CPNE5: variants seen among roughly 807,000 people sequenced by gnomAD.
The protein encoded by CPNE5 is copine 5.
Under a neutral mutation model 81.1 loss-of-function variants are expected in CPNE5, and 42 were observed. That is an observed-to-expected ratio of 0.52 (90% confidence interval 0.40 to 0.67). CPNE5 has a LOEUF of 0.67. Ranked by LOEUF, CPNE5 falls within the 30% of genes least tolerant of loss-of-function variation. CPNE5 has a pLI of 0.00. For synonymous variants in CPNE5, 313 were observed against 321.5 expected (o/e 0.97, Z 0.28); for missense variants, 612 against 815.5 (o/e 0.75, Z 3.04).
chr6:36,787,510 C>T (rs1487834359), intron 8 of CPNE5, among the ~76,000 whole-genome samples: 25 of 152,120 alleles, frequency 1.6e-4, no homozygotes. Flanking sequence ...TACACATTTT[C>T]CTTCGGGATA....
intron 12 of CPNE5, among the ~76,000 whole-genome samples, chr6:36,757,816 G>A (rs114063897): frequency 2.0e-5 from 3 of 152,284 alleles, no homozygotes; most frequent in Non-Finnish European, 2.9e-5. Context: ...CTCTGGGCAC[G>A]GAGAGATGGA....
At chr6:36,774,165 C>T (rs1436602049) in intron 10 of CPNE5, among the ~76,000 whole-genome samples, 1 of 151,512 alleles carries the variant, frequency 6.6e-6, no homozygotes, top group Admixed American at 6.6e-5. Context: ...GGGTGCATTG[C>T]TTGAGCCCAG....
At chr6:36,789,937 T>C (rs1441496463) in intron 8 of CPNE5, among the ~76,000 whole-genome samples, 1 of 152,160 alleles carries the variant, frequency 6.6e-6, no homozygotes, top group Non-Finnish European at 1.5e-5. Flanking sequence ...ATTTTTTTGG[T>C]CATCTCTAGA....
At chr6:36,773,101 C>T (rs189007134) in intron 10 of CPNE5, among the ~76,000 whole-genome samples, 266 of 152,128 alleles carry the variant, frequency 1.7e-3, no homozygotes, top group Non-Finnish European at 2.8e-3. Context: ...GCGGGCTGGT[C>T]TTGAACTCCT....
chr6:36,767,143 A>T (rs1009877656), intron 10 of CPNE5, among the ~76,000 whole-genome samples: 4 of 152,232 alleles, frequency 2.6e-5, no homozygotes, highest in African/African-American at 9.6e-5. Context: ...GGCATGAGCC[A>T]CGGCGCCCGG....
chr6:36,835,329 T>C (rs1773393166), intron 1 of CPNE5, among the ~76,000 whole-genome samples: 1 of 152,212 alleles, frequency 6.6e-6, no homozygotes, highest in African/African-American at 2.4e-5. Flanking sequence ...AAGTTTTGAT[T>C]GACTCGGCAG....
At position 36,741,360 on chromosome 6, in the gene CPNE5, G is replaced by A. The variant is rs1199852179; in HGVS notation, c.*908C>T. ...GGGTTCCCACATTAGGCAGTGGGGG[G>A]AGGCAGGGCTCAAACCCAGGACTCC... On this transcript the variant is annotated 3_prime_UTR_variant, in exon 21 of 21. Coordinates refer to ENST00000244751, the MANE Select transcript of CPNE5 (RefSeq NM_020939.2). The A allele has an allele frequency of 1.3e-5, 2 of 152,258 alleles. No homozygotes were observed. Among genetic ancestry groups the A allele is most frequent in the African/African-American group, 2.4e-5 (1 of 41,460 alleles). 9.4% of individuals were successfully genotyped at this position (152,258 alleles called of 1,614,324 possible). A position where few individuals can be genotyped will look rare whatever the true frequency, so the allele number is the denominator to read the frequency against.
intron 8 of CPNE5, among the ~76,000 whole-genome samples, chr6:36,780,972 G>A (rs1374141634): frequency 6.6e-6 from 1 of 152,148 alleles, no homozygotes; most frequent in Non-Finnish European, 1.5e-5. Context: ...TCAAAGTCAT[G>A]CCTCTTCCAG....
intron 1 of CPNE5, among the ~76,000 whole-genome samples, chr6:36,833,506 C>T (rs891504474): frequency 5.9e-5 from 9 of 152,176 alleles, no homozygotes; most frequent in African/African-American, 2.2e-4. Context: ...TTACATAAGA[C>T]TCTGTCATAG....
At chr6:36,782,586 C>T (rs182309941) in intron 8 of CPNE5, among the ~76,000 whole-genome samples, 1 of 152,074 alleles carries the variant, frequency 6.6e-6, no homozygotes, top group African/African-American at 2.4e-5. Context: ...GGTGGATCAC[C>T]TGAGCTCAGG....
At chr6:36,808,151 C>T (rs978423652) in intron 3 of CPNE5, among the ~76,000 whole-genome samples, 10 of 151,598 alleles carry the variant, frequency 6.6e-5, no homozygotes, top group Middle Eastern at 3.4e-3. Flanking sequence ...AGTGCAGTGG[C>T]GCGATCTTGG....
At chr6:36,756,902 C>A (rs369382231) in intron 12 of CPNE5, among the ~76,000 whole-genome samples, 1 of 152,228 alleles carries the variant, frequency 6.6e-6, no homozygotes, top group East Asian at 1.9e-4. Flanking sequence ...TCAGAGAAGG[C>A]TTGTTGGTGG....
intron 3 of CPNE5, among the ~76,000 whole-genome samples, chr6:36,806,487 G>C (rs150665946): frequency 6.6e-6 from 1 of 152,060 alleles, no homozygotes; most frequent in African/African-American, 2.4e-5. Flanking sequence ...TTCTCCCATC[G>C]CCACGGCAAG....
In CPNE5 at chr6:36,768,225, C is replaced by CTTTTTTTTTTTTTTTTTTTTTTT. The variant is rs10586762; in HGVS notation, c.738-2872_738-2850dup. Among the ~76,000 whole-genome samples the CTTTTTTTTTTTTTTTTTTTTTTT allele has an allele frequency of 2.5e-4, 15 of 60,510 alleles. 1 individual carries two copies. The highest frequency in any genetic ancestry group is 5.8e-4 in the East Asian group (1 of 1,720). The allele number at this position is 60,510 out of a possible 152,430, so 39.7% of individuals were successfully genotyped here. A position where few individuals can be genotyped will look rare whatever the true frequency, so the allele number is the denominator to read the frequency against. On this transcript the variant is annotated intron_variant, in intron 10 of 20. Coordinates refer to ENST00000244751, the MANE Select transcript of CPNE5 (RefSeq NM_020939.2). ...GGCTTTGACTACTCTATTCACAGTT[C>CTTTTTTTTTTTTTTTTTTTTTTT]TTTTTTTTTTTTTTTTTTTTTTTTT...
chr6:36,760,347 G>A (rs187175564), intron 12 of CPNE5, among the ~76,000 whole-genome samples: 2 of 152,032 alleles, frequency 1.3e-5, no homozygotes, highest in Non-Finnish European at 2.9e-5. Context: ...GCATCTTTCA[G>A]TATCTCTTCC....
intron 4 of CPNE5, among the ~76,000 whole-genome samples, chr6:36,799,182 G>C (rs1305013750): frequency 6.6e-6 from 1 of 151,984 alleles, no homozygotes; most frequent in East Asian, 1.9e-4. Context: ...AGGCCCAGAT[G>C]ACTCCTGCTG....
chr6:36,756,938 C>T (rs1237612080), intron 12 of CPNE5, among the ~76,000 whole-genome samples: 3 of 152,192 alleles, frequency 2.0e-5, no homozygotes, highest in Non-Finnish European at 4.4e-5. Context: ...CAACCAGGGG[C>T]GATTTTACCC....
At chr6:36,805,425 T>C (rs763046268) in intron 3 of CPNE5, among the ~76,000 whole-genome samples, 4 of 152,108 alleles carry the variant, frequency 2.6e-5, no homozygotes, top group Non-Finnish European at 4.4e-5. Flanking sequence ...ATACTGGGAG[T>C]GGGGGATCCT....
At chr6:36,782,520 A>G (rs1768117016) in intron 8 of CPNE5, among the ~76,000 whole-genome samples, 5 of 152,152 alleles carry the variant, frequency 3.3e-5, no homozygotes, top group Admixed American at 1.3e-4. Context: ...AAATGGCACA[A>G]AGGGACAGGT....
Sources: allele counts gnomAD v4.1 joint callset (sites outside exome capture counted in the v4.1 genomes callset), GRCh38; gene constraint gnomAD v4.1.1; transcripts MANE v1.5; gene names NCBI Gene and HGNC (gene_info 2026-07-23, HGNC 2026-07-21).